AXDND1: variants seen among roughly 807,000 people sequenced by gnomAD.
AXDND1 encodes axonemal dynein light chain domain containing 1.
AXDND1 carries 110 observed loss-of-function variants against 137.5 expected under a neutral mutation model. The ratio of observed to expected loss-of-function variants is 0.80; its 90% CI spans 0.69 to 0.94. The LOEUF is 0.94. AXDND1 is among the 40% of genes least tolerant of loss of function. The probability of loss-of-function intolerance (pLI) is 0.00; values close to 1 mark genes in which losing one functional copy is unlikely to be tolerated. For synonymous variants in AXDND1, 414 were observed against 399.7 expected (o/e 1.04, Z -0.43); for missense variants, 1,191 against 1,169.8 (o/e 1.02, Z -0.26).
At position 179,395,204 on chromosome 1, in the gene AXDND1, T is replaced by C. The variant is rs1179675223; in HGVS notation, c.1109+2T>C. The C allele has an allele frequency of 1.2e-6, 2 of 1,610,706 alleles. No homozygotes were observed. The highest frequency in any genetic ancestry group is 2.2e-5 in the South Asian group (2 of 90,454). Reference sequence around the variant, plus strand: ...TTTAAATGCGGAAAAGAATGCCAAGTGAGTTGCTTAAAGTTTGTTTAGCTT... The same window carrying C: ...TTTAAATGCGGAAAAGAATGCCAAGCGAGTTGCTTAAAGTTTGTTTAGCTT... On this transcript the variant is annotated splice_donor_variant, in intron 11 of 25. Transcript: ENST00000367618. LOFTEE classifies it high-confidence loss of function.
intron 3 of AXDND1, 117 bp downstream of exon 3, chr1:179,369,089 T>C: frequency 4.6e-6 from 5 of 1,084,848 alleles, no homozygotes; most frequent in Non-Finnish European, 6.4e-6. Flanking sequence ...AATTTTAAGA[T>C]TGATTGAGAC....
chr1:179,488,406 A>G lies in AXDND1; in HGVS notation c.2092-3132A>G, dbSNP rs1666323703. Among the ~76,000 whole-genome samples the G allele has an allele frequency of 3.4e-5, 5 of 147,724 alleles. No individual in the cohort carries two copies. In the South Asian group the frequency reaches 1.0e-3, roughly 31 times the overall value. On this transcript the variant is annotated intron_variant, in intron 18 of 25. Transcript: ENST00000367618. ...TATATTTGAAAGGGACAAATTAAGTATGTGTGTGGTTTTTTTTGTTTGTTT... is the reference window on the plus strand; with the variant it reads ...TATATTTGAAAGGGACAAATTAAGTGTGTGTGTGGTTTTTTTTGTTTGTTT...
At chr1:179,467,522 G>A (rs1292422674) in intron 16 of AXDND1, among the ~76,000 whole-genome samples, 1 of 152,150 alleles carries the variant, frequency 6.6e-6, no homozygotes, top group East Asian at 1.9e-4. Context: ...GTATACAAGA[G>A]GATGTGCATA....
intron 4 of AXDND1, among the ~76,000 whole-genome samples, chr1:179,370,967 G>A (rs538397580): frequency 1.9e-4 from 29 of 152,210 alleles, no homozygotes; most frequent in Non-Finnish European, 3.4e-4. Context: ...AAGGAAAAGT[G>A]GTAGAAACTT....
intron 20 of AXDND1, among the ~76,000 whole-genome samples, chr1:179,499,912 C>G (rs1363931973): frequency 1.3e-5 from 2 of 152,044 alleles, no homozygotes; most frequent in South Asian, 4.2e-4. Context: ...AGTCCTATAA[C>G]CATTAAAGGA....
chr1:179,515,906 A>C (rs754416281), intron 21 of AXDND1, among the ~76,000 whole-genome samples: 58 of 152,132 alleles, frequency 3.8e-4, no homozygotes, highest in Non-Finnish European at 7.2e-4. Context: ...TATTTTTACT[A>C]TACCTTTTCT....
intron 25 of AXDND1, among the ~76,000 whole-genome samples, chr1:179,540,094 A>G (rs1306383575): frequency 1.3e-5 from 2 of 151,946 alleles, no homozygotes; most frequent in Non-Finnish European, 2.9e-5. Context: ...CATTTCGTCT[A>G]ATCTTTTTTC....
intron 25 of AXDND1, chr1:179,551,075 A>C (rs1673180061): frequency 6.7e-7 from 1 of 1,501,038 alleles, no homozygotes; most frequent in African/African-American, 1.4e-5. Context: ...CCATATGGCA[A>C]CCAAAGGAAG....
intron 12 of AXDND1, among the ~76,000 whole-genome samples, chr1:179,411,860 A>T (rs550338273): frequency 4.2e-4 from 63 of 150,510 alleles, no homozygotes; most frequent in African/African-American, 1.5e-3. Context: ...TTTTTTTTTT[A>T]AAAAAACAGG....
intron 18 of AXDND1, among the ~76,000 whole-genome samples, chr1:179,485,548 A>G (rs1178362008): frequency 6.6e-6 from 1 of 152,202 alleles, no homozygotes; most frequent in African/African-American, 2.4e-5. Flanking sequence ...CATTCTAAGG[A>G]CAGCAACTTC....
intron 17 of AXDND1, among the ~76,000 whole-genome samples, chr1:179,471,481 T>G (rs775572832): frequency 1.3e-5 from 2 of 152,208 alleles, no homozygotes; most frequent in Admixed American, 1.3e-4. Flanking sequence ...AGTTATCTGA[T>G]TTGTTGGCAA....
In AXDND1 at chr1:179,468,494, T is replaced by C; in HGVS notation, c.1850T>C (p.Phe617Ser). Residue 617 changes from phenylalanine to serine, a missense_variant, in exon 17 of 26, where the codon TTC becomes TCC. Transcript: ENST00000367618. ...ATTAGTTCTCTTGACTTCTGTTCTTTCAAGTTGGAAAACCTGGAGTTTCCT... is the reference window on the plus strand; with the variant it reads ...ATTAGTTCTCTTGACTTCTGTTCTTCCAAGTTGGAAAACCTGGAGTTTCCT... ...SLISSLDFCS[F>S]KLENLEFPDT... 6.2e-7 allele frequency: 1 copy of C among 1,613,136 alleles called. No homozygotes were observed. Among genetic ancestry groups the C allele is most frequent in the Non-Finnish European group, 8.5e-7 (1 of 1,179,792 alleles).
chr1:179,445,059 C>T lies in AXDND1; in HGVS notation c.1653C>T (p.Asn551=). 6.2e-7 allele frequency: 1 copy of T among 1,613,316 alleles called. No individual in the cohort carries two copies. The highest frequency in any genetic ancestry group is 8.5e-7 in the Non-Finnish European group (1 of 1,179,456). ...AGATTATTAAACATTTACAGGAAAA[C>T]TGGGCAGATATTGGGCTTGGGATAT... ...TLKIIKHLQE[N]WADIGLGIFN... is the part of the protein sequence containing the mutation. Residue 551 remains asparagine, a synonymous_variant, in exon 16 of 26, where the codon AAC becomes AAT. Coordinates refer to ENST00000367618, the MANE Select transcript of AXDND1 (RefSeq NM_144696.6).
At chr1:179,409,743 G>A (rs1030680059) in intron 11 of AXDND1, among the ~76,000 whole-genome samples, 9 of 152,126 alleles carry the variant, frequency 5.9e-5, no homozygotes, top group African/African-American at 2.2e-4. Context: ...TTAGCCAGGC[G>A]TGGAGGTTGC....
chr1:179,534,954 C>T lies in AXDND1; in HGVS notation c.3023C>T (p.Pro1008Leu), dbSNP rs748895978. 13 of 1,603,994 alleles carry T rather than the reference C, an allele frequency of 8.1e-6. No homozygotes were observed. In the South Asian group the frequency reaches 1.5e-4, roughly 18 times the overall value. ...VRSAENSSKS[P>L]KKGH ...TCAGCAGAAAATTCCTCAAAATCTC[C>T]AAAGAAAGGTAAGGATTGCTTCGTA... The change falls in exon 25 of 26, where the codon CCA (proline) becomes CTA (leucine). Residue 1008 changes from proline to leucine, a missense_variant. Physicochemically the swap from Pro to Leu is moderately conservative, Grantham distance 98. Transcript: ENST00000367618.
intron 16 of AXDND1, among the ~76,000 whole-genome samples, chr1:179,457,627 A>G (rs1473088256): frequency 3.3e-5 from 5 of 152,214 alleles, no homozygotes. Flanking sequence ...CCACATATTC[A>G]TATTTTCAGT....
At chr1:179,377,693 A>G (rs4442334) in intron 4 of AXDND1, among the ~76,000 whole-genome samples, 115,201 of 152,076 alleles carry the variant, frequency 0.76, 43,888 homozygotes, top group Admixed American at 0.81. Flanking sequence ...CCAGGGAAGC[A>G]TGGTAGAAGA....
rs1197387739 is a variant in AXDND1 at position 179,534,817 on chromosome 1, T to G, written c.2886T>G (p.Asp962Glu). 1 of 1,608,606 alleles carries G rather than the reference T, an allele frequency of 6.2e-7. No individual in the cohort carries two copies. Among genetic ancestry groups the G allele is most frequent in the Non-Finnish European group, 8.5e-7 (1 of 1,178,854 alleles). ...ATCATACCCTTATAAAAAATAAAGA[T>G]CTAGAGGAATTAGTCATGACATCAA... ...KLHHTLIKNK[D>E]LEELVMTSRK... Residue 962 changes from aspartate to glutamate, a missense_variant, in exon 25 of 26, where the codon GAT (aspartate) becomes GAG (glutamate). By Grantham distance (45) the Asp-to-Glu change is conservative (BLOSUM62 2). Transcript: ENST00000367618.
At chr1:179,431,125 A>G (rs10913753) in intron 14 of AXDND1, among the ~76,000 whole-genome samples, 45,429 of 151,866 alleles carry the variant, frequency 0.3, 6,999 homozygotes, top group Non-Finnish European at 0.31. Context: ...GTCTGGACTA[A>G]ATTTCTTTTT....
Sources: allele counts gnomAD v4.1 joint callset (sites outside exome capture counted in the v4.1 genomes callset), GRCh38; gene constraint gnomAD v4.1.1; transcripts MANE v1.5; gene names NCBI Gene and HGNC (gene_info 2026-07-23, HGNC 2026-07-21).